The following P3H2 variants were observed in gnomAD, a reference collection of about 807,000 sequenced individuals.
The protein encoded by P3H2 is prolyl 3-hydroxylase 2.
P3H2 carries 80 observed loss-of-function variants against 87.0 expected under a neutral mutation model. That is an observed-to-expected ratio of 0.92 (90% CI 0.77 to 1.11). The LOEUF is 1.11. Among genes scored for constraint, P3H2 ranks in the 50% least tolerant of loss-of-function variants. The pLI is 0.00. For missense variants in P3H2, 1,001 were observed against 923.9 expected, an observed-to-expected ratio of 1.08 and a Z score of -1.08; for synonymous variants, 367 against 359.3, an observed-to-expected ratio of 1.02 and a Z score of -0.24.
intron 14 of P3H2, among the ~76,000 whole-genome samples, chr3:189,960,135 T>C (rs1369086487): frequency 1.3e-5 from 2 of 152,168 alleles, no homozygotes; most frequent in Non-Finnish European, 2.9e-5. Flanking sequence ...TGGAATACTC[T>C]CCTCCAGACA....
intron 1 of P3H2, among the ~76,000 whole-genome samples, chr3:190,041,101 ATATATAC>A (rs1434802646): frequency 9.7e-4 from 12 of 12,332 alleles, no homozygotes; most frequent in South Asian, 2.9e-3. Context: ...CTATATATAT[ATATATAC>A]TATATATATA....
intron 1 of P3H2, among the ~76,000 whole-genome samples, chr3:190,052,883 G>A (rs1196540099): frequency 6.6e-6 from 1 of 152,248 alleles, no homozygotes; most frequent in Non-Finnish European, 1.5e-5. Flanking sequence ...AAAAGTTTCC[G>A]TGTGCCACTT....
intron 1 of P3H2, among the ~76,000 whole-genome samples, chr3:190,071,756 T>C (rs16865025): frequency 0.11 from 17,085 of 152,124 alleles, 1,114 homozygotes; most frequent in Middle Eastern, 0.22. Context: ...TCAAATTAGT[T>C]CTGGTAAGTC....
At chr3:190,104,097 T>C (rs926664749) in intron 1 of P3H2, among the ~76,000 whole-genome samples, 1 of 152,188 alleles carries the variant, frequency 6.6e-6, no homozygotes, top group African/African-American at 2.4e-5. Context: ...CTGCCTTCAG[T>C]AGCTTTTTGT....
chr3:190,070,793 C>T (rs1343486725), intron 1 of P3H2, among the ~76,000 whole-genome samples: 2 of 152,166 alleles, frequency 1.3e-5, no homozygotes, highest in African/African-American at 4.8e-5. Context: ...TACATTCCAG[C>T]CCCTTGCTAC....
intron 1 of P3H2, among the ~76,000 whole-genome samples, chr3:190,078,155 G>A (rs554156901): frequency 2.0e-5 from 3 of 152,272 alleles, no homozygotes; most frequent in Admixed American, 6.5e-5. Flanking sequence ...GATAAGTTGA[G>A]GGAGTGAGAC....
intron 1 of P3H2, among the ~76,000 whole-genome samples, chr3:190,025,114 TG>T (rs1019429597): frequency 3.4e-4 from 52 of 152,264 alleles, no homozygotes; most frequent in Middle Eastern, 3.4e-3. Context: ...GCCTACGAAA[TG>T]GGGGCTTCCT....
chr3:190,071,606 T>C (rs1443561505), intron 1 of P3H2, among the ~76,000 whole-genome samples: 1 of 152,210 alleles, frequency 6.6e-6, no homozygotes, highest in Non-Finnish European at 1.5e-5. Flanking sequence ...GGAAAGATCA[T>C]AGTCACCAAC....
chr3:189,994,333 CA>C (rs775777388), intron 2 of P3H2, 50 bp from the exon 3 acceptor site: 29 of 1,465,570 alleles, frequency 2.0e-5, no homozygotes, highest in South Asian at 3.4e-5. Context: ...AACAAACAAA[CA>C]AAAAAACCCT....
chr3:190,102,452 C>T (rs906339600), intron 1 of P3H2, among the ~76,000 whole-genome samples: 1 of 152,090 alleles, frequency 6.6e-6, no homozygotes, highest in Non-Finnish European at 1.5e-5. Context: ...TGGATGATTT[C>T]GAGGAATTCA....
At chr3:190,082,329 C>A (rs771320718) in intron 1 of P3H2, among the ~76,000 whole-genome samples, 2 of 152,262 alleles carry the variant, frequency 1.3e-5, no homozygotes, top group Non-Finnish European at 2.9e-5. Context: ...GGATGCAAGT[C>A]CTGAGTTTGC....
rs1296516777 is a variant in P3H2 at position 190,041,035 on chromosome 3, TATACACACACAC to T, written c.481-45605_481-45594del. 8.3e-4 allele frequency among the ~76,000 whole-genome samples: 33 copies of T among 39,798 alleles called. 1 individual carries two copies. The highest frequency in any genetic ancestry group is 4.3e-3 in the African/African-American group (32 of 7,362). The allele number at this position is 39,798 out of a possible 152,430, so 26.1% of individuals were successfully genotyped here. ...CATGGCTCTACTATATATATATATA[TATACACACACAC>T]ACACACACACACACACACACACACA... On this transcript the variant is annotated intron_variant, in intron 1 of 14. Transcript: ENST00000319332.
Position 190,095,654 on chromosome 3 carries a change from G to A in P3H2, c.480+24598C>T, listed in dbSNP as rs184386646. Reference sequence around the variant, plus strand: ...CTCGCTCTGTCACCCAGGCTGGAGTGCAGTGGCGTGATCTCGGCTCACTGC... The same window carrying A: ...CTCGCTCTGTCACCCAGGCTGGAGTACAGTGGCGTGATCTCGGCTCACTGC... On this transcript the variant is annotated intron_variant, in intron 1 of 14. Coordinates refer to ENST00000319332, the MANE Select transcript of P3H2 (RefSeq NM_018192.4). Among the ~76,000 whole-genome samples, 241 of 149,024 alleles carry A rather than the reference G, an allele frequency of 1.6e-3. 4 individuals are homozygous for A. The highest frequency in any genetic ancestry group is 5.3e-3 in the African/African-American group (214 of 40,226).
At chr3:189,980,857 T>C (rs981554707) in intron 8 of P3H2, among the ~76,000 whole-genome samples, 2 of 152,160 alleles carry the variant, frequency 1.3e-5, no homozygotes, top group Non-Finnish European at 2.9e-5. Context: ...CCTAAAAAGA[T>C]TCAGAATGGG....
At position 189,995,769 on chromosome 3, in the gene P3H2, A is replaced by G. The variant is rs143211298; in HGVS notation, c.481-327T>C. ...AAAAAGCTGAAAAAACTCTATAGCA[A>G]GAAAAGAAAGATTAAAAAATGGGCA... is the stretch of plus-strand genomic sequence containing the variant. On this transcript the variant is annotated intron_variant, in intron 1 of 14. Transcript: ENST00000319332. Among the ~76,000 whole-genome samples the G allele has an allele frequency of 3.8e-3, 581 of 152,234 alleles. 5 individuals are homozygous for G. Among genetic ancestry groups the G allele is most frequent in the African/African-American group, 0.013 (559 of 41,536 alleles).
intron 13 of P3H2, 146 bp from the exon 14 acceptor site, chr3:189,964,244 C>A: frequency 1.3e-6 from 1 of 756,662 alleles, no homozygotes; most frequent in East Asian, 2.7e-5. Context: ...TGTAAATTAT[C>A]TCAATTTTCT....
chr3:190,062,671 C>G (rs1358476340), intron 1 of P3H2, among the ~76,000 whole-genome samples: 1 of 152,076 alleles, frequency 6.6e-6, no homozygotes, highest in African/African-American at 2.4e-5. Flanking sequence ...TCCCAGCTTA[C>G]CTTCTAACTA....
chr3:190,078,042 T>G (rs1451292507), intron 1 of P3H2, among the ~76,000 whole-genome samples: 1 of 152,164 alleles, frequency 6.6e-6, no homozygotes, highest in Non-Finnish European at 1.5e-5. Context: ...TCCTATTGCT[T>G]TCAACATAGT....
intron 1 of P3H2, among the ~76,000 whole-genome samples, chr3:190,089,301 T>C (rs1039669440): frequency 6.6e-6 from 1 of 152,146 alleles, no homozygotes; most frequent in East Asian, 1.9e-4. Flanking sequence ...CACACCAACA[T>C]AGCACATGTA....
Sources: gnomAD v4.1 joint callset for allele counts (sites outside exome capture counted in the v4.1 genomes callset) on GRCh38, gnomAD v4.1.1 for gene constraint, MANE v1.5 for transcripts, NCBI Gene and HGNC (gene_info 2026-07-23, HGNC 2026-07-21) for gene names.